The following RSRP1 variants were observed in gnomAD, a reference collection of about 807,000 sequenced individuals.
The protein encoded by RSRP1 is arginine/serine-rich protein 1.
Under a neutral mutation model 33.0 loss-of-function variants are expected in RSRP1, and 37 were observed. That is an observed-to-expected ratio of 1.12 (90% confidence interval 0.86 to 1.48). RSRP1 has a LOEUF of 1.48. Ranked by LOEUF, RSRP1 falls within the 40% of genes most tolerant of loss-of-function variation. The pLI, the probability that RSRP1 is intolerant of heterozygous loss-of-function variation, is 0.00. For synonymous variants in RSRP1, 167 were observed against 158.7 expected, an observed-to-expected ratio of 1.05 and a Z score of -0.40; for missense variants, 402 against 385.3, an observed-to-expected ratio of 1.04 and a Z score of -0.36.
chr1:25,256,007 G>A (rs887717280), intron 1 of RSRP1, among the ~76,000 whole-genome samples: 1 of 152,174 alleles, frequency 6.6e-6, no homozygotes, highest in Admixed American at 6.5e-5. Flanking sequence ...CATTGGCAAA[G>A]GGTGATACAT....
intron 1 of RSRP1, chr1:25,301,043 C>G (rs771256115): frequency 7.3e-7 from 1 of 1,377,032 alleles, no homozygotes. Context: ...CCCGAGGGAA[C>G]GGAGGATAAA....
At chr1:25,247,873 G>A (rs952142444), upstream of RSRP1, 3 of 150,764 alleles carry the variant, frequency 2.0e-5, no homozygotes, top group Admixed American at 1.3e-4. Flanking sequence ...GCCGGGCTCG[G>A]AGCTGGGGCC....
intron 3 of RSRP1, chr1:25,244,681 G>A (rs1448248566): frequency 1.7e-6 from 2 of 1,194,448 alleles, no homozygotes; most frequent in African/African-American, 3.2e-5. Flanking sequence ...AACTGAAAAT[G>A]AAAAAAATAA....
At chr1:25,245,429 T>C (rs553274531) in intron 2 of RSRP1, 128 bp from the exon 3 acceptor site, 23 of 1,292,226 alleles carry the variant, frequency 1.8e-5, no homozygotes, top group South Asian at 3.1e-5. Flanking sequence ...TGTTTTATAA[T>C]AGGTAAACTA....
chr1:25,250,476 G>C (rs2124550739), upstream of RSRP1, among the ~76,000 whole-genome samples: 1 of 152,264 alleles, frequency 6.6e-6, no homozygotes, highest in South Asian at 2.1e-4. Flanking sequence ...CATTTAAGTT[G>C]GTTTTTTGTT....
At chr1:25,331,585 T>TC (rs1645007611) in intron 1 of RSRP1, among the ~76,000 whole-genome samples, 1 of 117,136 alleles carries the variant, frequency 8.5e-6, no homozygotes, top group South Asian at 2.6e-4. Flanking sequence ...TTTTTTTTTT[T>TC]GAGACAGAGT....
chr1:25,308,668 C>G (rs1379315333), intron 1 of RSRP1, among the ~76,000 whole-genome samples: 1 of 130,316 alleles, frequency 7.7e-6, no homozygotes, highest in Non-Finnish European at 1.8e-5. Context: ...CCTATGGGAA[C>G]TGGCTCCAGC....
chr1:25,242,521 A>T lies in RSRP1; in HGVS notation c.*68T>A. The T allele has an allele frequency of 1.0e-6, 1 of 964,204 alleles. No homozygotes were observed. The highest frequency in any genetic ancestry group is 1.6e-6 in the Non-Finnish European group (1 of 617,844). The allele number at this position is 964,204 out of a possible 1,614,324, so 59.7% of individuals were successfully genotyped here. ...CCTGAATGGCTCAAAGGGATGGGAT[A>T]ATGCTAGAAACACTAACTTGCAATA... On this transcript the variant is annotated 3_prime_UTR_variant, in exon 5 of 5. Coordinates refer to ENST00000243189, the MANE Select transcript of RSRP1 (RefSeq NM_020317.5).
chr1:25,249,484 G>A (rs766371666), upstream of RSRP1, among the ~76,000 whole-genome samples: 3 of 152,118 alleles, frequency 2.0e-5, no homozygotes, highest in East Asian at 1.9e-4. Context: ...GTTTACAGAC[G>A]TGCACCATCA....
At position 25,334,527 on chromosome 1, in the gene RSRP1, A is replaced by G. The variant is rs1216966189; in HGVS notation, c.-67+3451T>C. ...CTGGAGGACCTCTTCTCACAGCTCC[A>G]CTAGGTGGTGCCCCAGTAGGGACTG... On this transcript the variant is annotated intron_variant, in intron 1 of 1. Transcript: ENST00000561867. Among the ~76,000 whole-genome samples, 33 of 132,370 alleles carry G rather than the reference A, an allele frequency of 2.5e-4. 6 individuals carry two copies. The highest frequency in any genetic ancestry group is 8.0e-4 in the African/African-American group (31 of 38,614). The allele number at this position is 132,370 out of a possible 152,430, so 86.8% of individuals were successfully genotyped here.
At chr1:25,323,383 A>C (rs1644818437) in intron 1 of RSRP1, among the ~76,000 whole-genome samples, 1 of 105,652 alleles carries the variant, frequency 9.5e-6, no homozygotes, top group African/African-American at 3.2e-5. Context: ...CTCCTTTGAA[A>C]TTCCTCCCTC....
chr1:25,252,132 C>T (rs1639804089), upstream of RSRP1, among the ~76,000 whole-genome samples: 1 of 151,938 alleles, frequency 6.6e-6, no homozygotes, highest in African/African-American at 2.4e-5. Flanking sequence ...GGCATGATCT[C>T]GGTTCACTGC....
Position 25,272,412 on chromosome 1 carries a change from C to G in RSRP1, c.-66-25383G>C. 5.6e-6 allele frequency: 7 copies of G among 1,240,772 alleles called. 2 individuals are homozygous for G. Among genetic ancestry groups the G allele is most frequent in the Non-Finnish European group, 6.8e-6 (6 of 883,108 alleles). 76.9% of individuals were successfully genotyped at this position (1,240,772 alleles called of 1,614,324 possible). On this transcript the variant is annotated intron_variant, in intron 1 of 1. Transcript: ENST00000561867. ...CGTGTTAACTCCATAGAGAGGCCAG[C>G]ACAACCAGCCTTGCAGCCTGAGATA...
intron 1 of RSRP1, among the ~76,000 whole-genome samples, chr1:25,288,118 G>A (rs1401309602): frequency 7.6e-6 from 1 of 132,226 alleles, no homozygotes; most frequent in Non-Finnish European, 1.8e-5. Flanking sequence ...ACTGGGTTCA[G>A]GTGATCCTCC....
chr1:25,331,922 A>G (rs1645019656), intron 1 of RSRP1, among the ~76,000 whole-genome samples: 2 of 127,686 alleles, frequency 1.6e-5, no homozygotes. Context: ...TTGTATTTTT[A>G]GTAGAGACGG....
rs376427150 is a variant in RSRP1, at chr1:25,300,978, C to T, written c.-67+37000G>A. 1.2e-5 allele frequency: 17 copies of T among 1,374,616 alleles called. 4 individuals carry two copies. The Admixed American group carries it at 1.2e-4, about 10-fold the overall frequency. 85.2% of individuals were successfully genotyped at this position (1,374,616 alleles called of 1,614,324 possible). A position where few individuals can be genotyped will look rare whatever the true frequency, so the allele number is the denominator to read the frequency against. ...ACCACATGAACATGATGCACATCTACGTGTTCGCAGCCTATTTTGGGCTGT... is the reference window on the plus strand; with the variant it reads ...ACCACATGAACATGATGCACATCTATGTGTTCGCAGCCTATTTTGGGCTGT... On this transcript the variant is annotated intron_variant, in intron 1 of 1. Transcript: ENST00000561867.
At chr1:25,254,859 A>T (rs1639900032) in intron 1 of RSRP1, among the ~76,000 whole-genome samples, 1 of 152,204 alleles carries the variant, frequency 6.6e-6, no homozygotes, top group Non-Finnish European at 1.5e-5. Context: ...ATACAGGTGC[A>T]ATTACTGGTA....
intron 1 of RSRP1, among the ~76,000 whole-genome samples, chr1:25,302,928 G>GAGGCCAGGAGTTCAAGACC (rs1461980368): frequency 7.6e-6 from 1 of 130,734 alleles, no homozygotes; most frequent in East Asian, 2.0e-4. Context: ...AGGATTGGTT[G>GAGGCCAGGAGTTCAAGACC]AGGCCAGGAG....
Position 25,310,718 on chromosome 1 carries a change from T to C in RSRP1, c.-67+27260A>G, listed in dbSNP as rs779490818. 9.0e-5 allele frequency among the ~76,000 whole-genome samples: 12 copies of C among 132,696 alleles called. 3 individuals carry two copies. The highest frequency in any genetic ancestry group is 2.8e-4 in the African/African-American group (11 of 39,346). 87.1% of individuals were successfully genotyped at this position (132,696 alleles called of 152,430 possible). A position where few individuals can be genotyped will look rare whatever the true frequency, so the allele number is the denominator to read the frequency against. ...CAGGCACGGTGTCTCAGGCTTATAA[T>C]CCCAGCACTTTGGGAGGCCAAAGCA... is the stretch of plus-strand genomic sequence containing the variant. On this transcript the variant is annotated intron_variant, in intron 1 of 1. Coordinates refer to the RSRP1 transcript ENST00000561867.
Sources: allele counts gnomAD v4.1 joint callset (sites outside exome capture counted in the v4.1 genomes callset), GRCh38; gene constraint gnomAD v4.1.1; transcripts MANE v1.5; gene names NCBI Gene and HGNC (gene_info 2026-07-23, HGNC 2026-07-21).